Variants in TAF1B observed in about 807,000 individuals in gnomAD.
TAF1B encodes the protein TATA box-binding protein-associated factor RNA polymerase I subunit B.
TAF1B carries 61 observed loss-of-function variants against 83.9 expected under a neutral mutation model. The observed-to-expected ratio is 0.73, with a 90% CI of 0.59 to 0.90. The LOEUF is 0.90. Among genes scored for constraint, TAF1B ranks in the 40% least tolerant of loss-of-function variants. The probability of loss-of-function intolerance (pLI) is 0.00; values close to 1 mark genes in which losing one functional copy is unlikely to be tolerated. For synonymous variants in TAF1B, 221 were observed against 224.6 expected, an observed-to-expected ratio of 0.98 and a Z score of 0.14; for missense variants, 625 against 677.0, an observed-to-expected ratio of 0.92 and a Z score of 0.85.
intron 9 of TAF1B, among the ~76,000 whole-genome samples, chr2:9,910,301 T>C (rs934402713): frequency 6.6e-6 from 1 of 152,188 alleles, no homozygotes; most frequent in Non-Finnish European, 1.5e-5. Context: ...ATAATTTCTT[T>C]AGGAAAGCAA....
intron 6 of TAF1B, among the ~76,000 whole-genome samples, chr2:9,872,285 C>G (rs1664191967): frequency 1.3e-5 from 2 of 151,110 alleles, no homozygotes; most frequent in African/African-American, 4.9e-5. Context: ...GAGATCACAC[C>G]ACTGCACTCC....
intron 6 of TAF1B, 37 bp downstream of exon 6, chr2:9,868,466 C>T (rs1241015272): frequency 2.1e-5 from 33 of 1,581,882 alleles, no homozygotes; most frequent in Non-Finnish European, 2.7e-5. Flanking sequence ...AATTTTAAAG[C>T]TGTTATGCCC....
In TAF1B at chr2:9,853,655, A is replaced by G. The variant is rs115826573; in HGVS notation, c.304-671A>G. 3.5e-3 allele frequency among the ~76,000 whole-genome samples: 536 copies of G among 152,078 alleles called. 7 individuals are homozygous for G. The highest frequency in any genetic ancestry group is 0.012 in the African/African-American group (513 of 41,484). On this transcript the variant is annotated intron_variant, in intron 4 of 14. Transcript: ENST00000263663. Reference sequence around the variant, plus strand: ...GCTAACTTTTTGATTTTTTGTAGAGATGAGGTCTCACCATGTTGCCCAGGC... The same window carrying G: ...GCTAACTTTTTGATTTTTTGTAGAGGTGAGGTCTCACCATGTTGCCCAGGC...
At chr2:9,850,422 A>G (rs188969884) in intron 3 of TAF1B, among the ~76,000 whole-genome samples, 117 of 152,320 alleles carry the variant, frequency 7.7e-4, no homozygotes, top group African/African-American at 2.7e-3. Context: ...AGTTTCTAAG[A>G]ACAGTATGCA....
intron 1 of TAF1B, 82 bp from the exon 2 acceptor site, chr2:9,845,138 A>G (rs1444160012): frequency 2.1e-6 from 2 of 973,848 alleles, no homozygotes; most frequent in South Asian, 1.5e-5. Flanking sequence ...CCAGGAACCC[A>G]TTAAATAGAA....
intron 9 of TAF1B, among the ~76,000 whole-genome samples, chr2:9,908,908 G>C (rs1335804398): frequency 1.3e-5 from 2 of 152,170 alleles, no homozygotes; most frequent in Non-Finnish European, 2.9e-5. Flanking sequence ...TTGAGGAAGA[G>C]GACTGTGTCT....
intron 5 of TAF1B, among the ~76,000 whole-genome samples, chr2:9,855,499 T>G (rs997725509): frequency 2.0e-5 from 3 of 152,058 alleles, no homozygotes; most frequent in African/African-American, 7.2e-5. Flanking sequence ...GGTAACATAA[T>G]GAGACCCCAA....
At chr2:9,930,914 A>T (rs987130789) in intron 14 of TAF1B, among the ~76,000 whole-genome samples, 3 of 152,134 alleles carry the variant, frequency 2.0e-5, no homozygotes, top group African/African-American at 7.2e-5. Flanking sequence ...TCCCTTTACC[A>T]TTATGTAATG....
intron 14 of TAF1B, among the ~76,000 whole-genome samples, chr2:9,925,374 A>C (rs1558271214): frequency 6.6e-6 from 1 of 151,960 alleles, no homozygotes; most frequent in Non-Finnish European, 1.5e-5. Context: ...CGGGAGGCGG[A>C]GCTTGCAGTG....
intron 12 of TAF1B, among the ~76,000 whole-genome samples, chr2:9,918,577 A>G (rs973335324): frequency 7.2e-5 from 11 of 152,334 alleles, no homozygotes; most frequent in Non-Finnish European, 1.0e-4. Context: ...CAGGAATAGA[A>G]TAGATTTCCT....
At chr2:9,856,798 A>G (rs1663579681) in intron 5 of TAF1B, among the ~76,000 whole-genome samples, 1 of 152,230 alleles carries the variant, frequency 6.6e-6, no homozygotes, top group Non-Finnish European at 1.5e-5. Context: ...CAATAAGTAA[A>G]ATATTAAGCT....
intron 5 of TAF1B, among the ~76,000 whole-genome samples, chr2:9,863,607 T>C (rs1274120449): frequency 3.9e-5 from 6 of 152,180 alleles, no homozygotes; most frequent in Admixed American, 2.0e-4. Flanking sequence ...CTAATAGACA[T>C]CTATAGAACT....
intron 8 of TAF1B, among the ~76,000 whole-genome samples, chr2:9,898,758 T>C (rs1665094670): frequency 1.3e-5 from 2 of 152,194 alleles, no homozygotes; most frequent in African/African-American, 4.8e-5. Context: ...AAAGTGTATT[T>C]ATAAGAGGTT....
intron 9 of TAF1B, among the ~76,000 whole-genome samples, chr2:9,907,744 A>G (rs867252598): frequency 2.0e-5 from 3 of 152,108 alleles, no homozygotes; most frequent in African/African-American, 7.2e-5. Context: ...AAGTTTCCAA[A>G]GTGCCCATAT....
chr2:9,933,758 ATTCTTTT>A lies in TAF1B; in HGVS notation c.1566-16_1566-10del, dbSNP rs770882947. ...TTTCTTGGTTACCATCTAAAGATAAATTCTTTTTTCTTTTTCCCTTCTAGCTATTGTA... is the reference window on the plus strand; with the variant it reads ...TTTCTTGGTTACCATCTAAAGATAAATTCTTTTTCCCTTCTAGCTATTGTA... On this transcript the variant is annotated intron_variant, in intron 14 of 14. Transcript: ENST00000263663. 1 of 1,579,832 alleles carries A rather than the reference ATTCTTTT, an allele frequency of 6.3e-7. No individual in the cohort carries two copies. Among genetic ancestry groups the A allele is most frequent in the African/African-American group, 1.4e-5 (1 of 73,664 alleles).
intron 12 of TAF1B, among the ~76,000 whole-genome samples, chr2:9,916,114 T>G (rs999935760): frequency 6.6e-6 from 1 of 152,236 alleles, no homozygotes; most frequent in African/African-American, 2.4e-5. Context: ...ATGGAACTGT[T>G]CTACGTAGTA....
intron 8 of TAF1B, among the ~76,000 whole-genome samples, chr2:9,890,972 A>G (rs1292949713): frequency 6.6e-6 from 1 of 152,086 alleles, no homozygotes; most frequent in Non-Finnish European, 1.5e-5. Context: ...GGGTTTCTCC[A>G]TGTTGGTCAG....
chr2:9,851,764 GTT>G (rs1663403464), intron 4 of TAF1B, 126 bp downstream of exon 4: 2 of 786,922 alleles, frequency 2.5e-6, no homozygotes, highest in South Asian at 3.7e-5. Context: ...TTTTTCTGAT[GTT>G]TTTGCTTTAA....
chr2:9,880,426 CTTTT>C (rs6146620), intron 7 of TAF1B, among the ~76,000 whole-genome samples: 16 of 75,036 alleles, frequency 2.1e-4, no homozygotes, highest in African/African-American at 8.6e-4. Context: ...GAGTAAGCAG[CTTTT>C]TTTTTTTTTT....
Sources: allele counts gnomAD v4.1 joint callset (sites outside exome capture counted in the v4.1 genomes callset), GRCh38; gene constraint gnomAD v4.1.1; transcripts MANE v1.5; gene names NCBI Gene and HGNC (gene_info 2026-07-23, HGNC 2026-07-21).